The following KIAA0232 variants were observed in gnomAD, a reference collection of about 807,000 sequenced individuals.
KIAA0232 encodes the protein uncharacterized protein KIAA0232.
In KIAA0232, 27 loss-of-function variants were observed where a neutral mutation model predicts 122.0. The ratio of observed to expected loss-of-function variants is 0.22; its 90% confidence interval spans 0.16 to 0.31. The LOEUF (loss-of-function observed/expected upper bound fraction) is 0.31, where lower values mean the gene tolerates loss of function less well. KIAA0232 is among the 10% of genes least tolerant of loss of function. The probability of loss-of-function intolerance (pLI) is 1.00; values close to 1 mark genes in which losing one functional copy is unlikely to be tolerated. For synonymous variants in KIAA0232, 613 were observed against 587.6 expected (o/e 1.04, Z -0.63); for missense variants, 1,551 against 1,634.2 (o/e 0.95, Z 0.88).
intron 1 of KIAA0232, among the ~76,000 whole-genome samples, chr4:6,788,816 A>C (rs1716750171): frequency 6.6e-6 from 1 of 152,228 alleles, no homozygotes; most frequent in Non-Finnish European, 1.5e-5. Flanking sequence ...GTAAGTGCTC[A>C]GTAAGTGGCA....
chr4:6,837,537 C>T (rs571104426), intron 3 of KIAA0232, among the ~76,000 whole-genome samples: 40 of 152,310 alleles, frequency 2.6e-4, no homozygotes, highest in African/African-American at 8.7e-4. Context: ...GCTGCAGTCT[C>T]GGCACTTTGG....
intron 8 of KIAA0232, among the ~76,000 whole-genome samples, chr4:6,875,436 A>G (rs1721698879): frequency 6.6e-6 from 1 of 152,274 alleles, no homozygotes; most frequent in African/African-American, 2.4e-5. Flanking sequence ...ATGAACCTCA[A>G]CTAGTAACTT....
chr4:6,854,468 C>T (rs995222457), intron 4 of KIAA0232, among the ~76,000 whole-genome samples: 5 of 152,206 alleles, frequency 3.3e-5, no homozygotes, highest in African/African-American at 9.6e-5. Context: ...CAGGGGTCGT[C>T]ATAACCATTT....
At chr4:6,880,663 T>A (rs1039587623) in intron 9 of KIAA0232, 124 bp from the exon 10 acceptor site, 2 of 635,786 alleles carry the variant, frequency 3.1e-6, no homozygotes, top group African/African-American at 3.8e-5. Flanking sequence ...AAACTCTGCA[T>A]GTTTGTAACT....
rs1414813559 is a variant in KIAA0232, at chr4:6,864,083, C to T, written c.3701C>T (p.Ala1234Val). 1 of 1,614,000 alleles carries T rather than the reference C, an allele frequency of 6.2e-7. No homozygotes were observed. Among genetic ancestry groups the T allele is most frequent in the Non-Finnish European group, 8.5e-7 (1 of 1,180,016 alleles). Residue 1234 changes from alanine to valine, a missense_variant, in exon 7 of 10, where the codon GCA becomes GTA. Physicochemically the swap from Ala to Val is moderately conservative, Grantham distance 64. Coordinates refer to ENST00000307659, the MANE Select transcript of KIAA0232 (RefSeq NM_014743.3). ...TCAGAAGCAAATTGTAAAATAATGG[C>T]ACAATGCGAGGAAGAAATTAATAAT... Reference protein sequence around the residue: ...ESSEANCKIMAQCEEEINNFC... With the variant: ...ESSEANCKIMVQCEEEINNFC...
intron 7 of KIAA0232, among the ~76,000 whole-genome samples, chr4:6,869,665 C>G (rs1721369513): frequency 6.6e-6 from 1 of 152,196 alleles, no homozygotes. Flanking sequence ...GTAGACAGTA[C>G]AATTCTTCTT....
intron 1 of KIAA0232, among the ~76,000 whole-genome samples, chr4:6,794,121 T>G (rs1717025097): frequency 6.6e-6 from 1 of 152,190 alleles, no homozygotes; most frequent in Non-Finnish European, 1.5e-5. Flanking sequence ...AAGAGCCTTT[T>G]GACTTCCACT....
intron 4 of KIAA0232, among the ~76,000 whole-genome samples, chr4:6,856,140 T>C (rs1046779572): frequency 2.0e-5 from 3 of 152,220 alleles, no homozygotes; most frequent in Admixed American, 6.5e-5. Flanking sequence ...GGATTTCTTA[T>C]GTAGGATATC....
intron 1 of KIAA0232, among the ~76,000 whole-genome samples, chr4:6,798,578 G>A (rs1226667620): frequency 1.3e-5 from 2 of 152,164 alleles, no homozygotes; most frequent in Non-Finnish European, 2.9e-5. Context: ...TTTTGAGACA[G>A]GGTCTCGCTG....
In KIAA0232 at chr4:6,857,074, G is replaced by A. The variant is rs192675392; in HGVS notation, c.370-90G>A. 60 of 814,282 alleles carry A rather than the reference G, an allele frequency of 7.4e-5. No homozygotes were observed. The African/African-American group carries it at 8.3e-4, about 11-fold the overall frequency. The allele number at this position is 814,282 out of a possible 1,614,324, so 50.4% of individuals were successfully genotyped here. A position where few individuals can be genotyped will look rare whatever the true frequency, so the allele number is the denominator to read the frequency against. On this transcript the variant is annotated intron_variant, in intron 4 of 9. Coordinates refer to ENST00000307659, the MANE Select transcript of KIAA0232 (RefSeq NM_014743.3). ...ATTTATTTTGGAATGTGGATGATTT[G>A]TAAAACCTGTGTATTAAAACAAAAG... is the stretch of plus-strand genomic sequence containing the variant.
At chr4:6,858,545 T>G (rs764610770) in intron 6 of KIAA0232, 39 bp downstream of exon 6, 3 of 1,352,436 alleles carry the variant, frequency 2.2e-6, no homozygotes, top group Non-Finnish European at 3.1e-6. Flanking sequence ...TGTGCATTTG[T>G]TAAAATCAGA....
intron 2 of KIAA0232, among the ~76,000 whole-genome samples, chr4:6,818,937 T>G (rs1190435432): frequency 6.6e-6 from 1 of 151,978 alleles, no homozygotes; most frequent in Non-Finnish European, 1.5e-5. Context: ...CCTGTAGCCA[T>G]CGAATCTTCA....
intron 1 of KIAA0232, among the ~76,000 whole-genome samples, chr4:6,801,457 G>T (rs1717380038): frequency 6.6e-6 from 1 of 152,202 alleles, no homozygotes; most frequent in Admixed American, 6.5e-5. Context: ...GGGAGGCTGA[G>T]GTGGGAGGAT....
rs371852484 is a variant in KIAA0232 at position 6,874,497 on chromosome 4, G to A, written c.3911-2163G>A. ...GTAGACTCTGTGCACCAGGAGTGCC[G>A]TCCCAAACAGCAGTCTCCACAGCTC... is the stretch of plus-strand genomic sequence containing the variant. On this transcript the variant is annotated intron_variant, in intron 8 of 9. Transcript: ENST00000307659. Among the ~76,000 whole-genome samples the A allele has an allele frequency of 4.6e-5, 7 of 152,302 alleles. No individual in the cohort carries two copies. The South Asian group carries it at 8.3e-4, about 18-fold the overall frequency.
chr4:6,788,415 C>G (rs1560157511), intron 1 of KIAA0232, among the ~76,000 whole-genome samples: 1 of 152,240 alleles, frequency 6.6e-6, no homozygotes, highest in Non-Finnish European at 1.5e-5. Flanking sequence ...CTTTCTCTCT[C>G]TTTCTGAGTC....
chr4:6,872,063 C>CG (rs1721523488), intron 8 of KIAA0232, among the ~76,000 whole-genome samples: 2 of 152,024 alleles, frequency 1.3e-5, no homozygotes, highest in African/African-American at 4.8e-5. Context: ...TTGTAGCTGA[C>CG]GCGGGAGAGA....
intron 4 of KIAA0232, among the ~76,000 whole-genome samples, chr4:6,849,447 C>G (rs918512697): frequency 6.6e-6 from 1 of 152,194 alleles, no homozygotes; most frequent in African/African-American, 2.4e-5. Flanking sequence ...AAAAACCTGT[C>G]TCTACTAAAA....
chr4:6,863,215 G>T lies in KIAA0232; in HGVS notation c.2833G>T (p.Glu945Ter). The change falls in exon 7 of 10, where the codon GAG becomes TAG. Residue 945 changes from glutamate (E) to a stop codon, truncating the protein, a stop_gained. Transcript: ENST00000307659. LOFTEE classifies it high-confidence loss of function. ...GELKTFNSDGEWAVVPPSHTK... is the reference protein window; with the variant it reads ...GELKTFNSDG ...ACTCAAAACCTTCAATAGTGATGGG[G>T]AGTGGGCAGTCGTACCACCTAGTCA... The T allele has an allele frequency of 6.2e-7, 1 of 1,613,926 alleles. No individual in the cohort carries two copies. The highest frequency in any genetic ancestry group is 1.1e-5 in the South Asian group (1 of 91,086).
At position 6,818,929 on chromosome 4, in the gene KIAA0232, T is replaced by C. The variant is rs141757237; in HGVS notation, c.-269-5256T>C. 7.6e-4 allele frequency among the ~76,000 whole-genome samples: 115 copies of C among 152,248 alleles called. 1 individual carries two copies. In the East Asian group the frequency reaches 0.02, roughly 27 times the overall value. On this transcript the variant is annotated intron_variant, in intron 2 of 9. Transcript: ENST00000307659. ...GAACCCAGAAATAAAGGTGTACACCTGTAGCCATCGAATCTTCAACAAAGT... is the reference window on the plus strand; with the variant it reads ...GAACCCAGAAATAAAGGTGTACACCCGTAGCCATCGAATCTTCAACAAAGT...
Sources: gnomAD v4.1 joint callset for allele counts (sites outside exome capture counted in the v4.1 genomes callset) on GRCh38, gnomAD v4.1.1 for gene constraint, MANE v1.5 for transcripts, NCBI Gene and HGNC (gene_info 2026-07-23, HGNC 2026-07-21) for gene names.